MAGEB10: variants seen among roughly 807,000 people sequenced by gnomAD.
MAGEB10 encodes MAGE family member B10.
For synonymous variants in MAGEB10, 99 were observed against 101.0 expected, an observed-to-expected ratio of 0.98 and a Z score of 0.12; for missense variants, 190 against 261.9, an observed-to-expected ratio of 0.73 and a Z score of 1.89.
chrX:27,814,742 CAT>C (rs1381743794), intron 1 of MAGEB10, among the ~76,000 whole-genome samples: 3 of 112,089 alleles, frequency 2.7e-5, no homozygotes, highest in African/African-American at 9.7e-5. Context: ...GCCTGAGCCT[CAT>C]AGAGCTTTGC....
chrX:27,822,231 G>A lies in MAGEB10; in HGVS notation c.925G>A (p.Glu309Lys). Residue 309 changes from glutamate to lysine, a missense_variant, in exon 3 of 3, where the codon GAG becomes AAG. Transcript: ENST00000356790. The part of the protein sequence containing the change: ...APSEFSNWYT[E>K]ALQDEEERAR... ...CAGTGAATTCTCAAACTGGTATACA[G>A]AGGCTTTACAAGATGAGGAAGAGAG... 1.7e-6 allele frequency: 2 copies of A among 1,211,665 alleles called. No homozygotes were observed. Among genetic ancestry groups the A allele is most frequent in the Non-Finnish European group, 2.2e-6 (2 of 895,390 alleles).
chrX:27,822,335 C>T lies in MAGEB10; in HGVS notation c.1029C>T (p.Ser343=). 1.7e-6 allele frequency: 2 copies of T among 1,205,436 alleles called. No homozygotes were observed. Among genetic ancestry groups the T allele is most frequent in the South Asian group, 1.8e-5 (1 of 55,673 alleles). The change falls in exon 3 of 3, where the codon TCC becomes TCT. Residue 343 remains serine (S), a synonymous_variant. Transcript: ENST00000356790. ...GARSKVKSSK[S]SQLQ The stretch of plus-strand genomic sequence containing the variant: ...GTTCCAAGGTTAAGTCCAGCAAGTC[C>T]TCCCAACTGCAGTAAAGTCTGAGGG...
In MAGEB10 at chrX:27,821,579, A is replaced by G. The variant is rs1214263036; in HGVS notation, c.273A>G (p.Glu91=). The part of the protein sequence containing the change: ...RHPEGVNDQM[E]ERPICTQDLE... ...CCGAAGGAGTCAACGACCAAATGGAAGAAAGGCCAATATGCACACAAGATC... is the reference window on the plus strand; with the variant it reads ...CCGAAGGAGTCAACGACCAAATGGAGGAAAGGCCAATATGCACACAAGATC... The change falls in exon 3 of 3, where the codon GAA becomes GAG. Residue 91 remains glutamate, a synonymous_variant. Transcript: ENST00000356790. 3 of 1,210,569 alleles carry G rather than the reference A, an allele frequency of 2.5e-6. No homozygotes were observed. Among genetic ancestry groups the G allele is most frequent in the Non-Finnish European group, 3.4e-6 (3 of 894,822 alleles).
intron 1 of MAGEB10, among the ~76,000 whole-genome samples, chrX:27,809,234 C>A (rs926854258): frequency 3.6e-5 from 4 of 110,504 alleles, no homozygotes; most frequent in African/African-American, 1.3e-4. Context: ...GCACTCAGAG[C>A]AGCTGGCAGG....
In MAGEB10 at chrX:27,821,960, C is replaced by T. The variant is rs771649870; in HGVS notation, c.654C>T (p.Val218=). ...LGIIFTNGNC[V]AEEEVWKVFN... is the part of the protein sequence containing the mutation. ...TTATCTTCACAAATGGCAATTGTGTCGCTGAGGAGGAAGTCTGGAAAGTGT... is the reference window on the plus strand; with the variant it reads ...TTATCTTCACAAATGGCAATTGTGTTGCTGAGGAGGAAGTCTGGAAAGTGT... The change falls in exon 3 of 3, where the codon GTC becomes GTT. Residue 218 remains valine, a synonymous_variant. Coordinates refer to ENST00000356790, the MANE Select transcript of MAGEB10 (RefSeq NM_182506.3). 1.7e-6 allele frequency: 2 copies of T among 1,211,625 alleles called. No individual in the cohort carries two copies. The highest frequency in any genetic ancestry group is 3.0e-5 in the East Asian group (1 of 33,825).
chrX:27,815,373 C>T (rs931590936), intron 1 of MAGEB10, among the ~76,000 whole-genome samples: 19 of 112,424 alleles, frequency 1.7e-4, no homozygotes, highest in African/African-American at 5.5e-4. Flanking sequence ...TGGCAGTGAA[C>T]ACTACATACC....
chrX:27,815,447 G>A (rs1305572569), intron 1 of MAGEB10, among the ~76,000 whole-genome samples: 1 of 111,942 alleles, frequency 8.9e-6, no homozygotes, highest in Non-Finnish European at 1.9e-5. Flanking sequence ...CTGTGAGTCA[G>A]GTCAGACTTG....
At position 27,821,424 on chromosome X, in the gene MAGEB10, C is replaced by T; in HGVS notation, c.118C>T (p.Pro40Ser). 4 of 1,210,387 alleles carry T rather than the reference C, an allele frequency of 3.3e-6. No individual in the cohort carries two copies. Among genetic ancestry groups the T allele is most frequent in the Non-Finnish European group, 3.4e-6 (3 of 894,403 alleles). The change falls in exon 3 of 3, where the codon CCC becomes TCC. Residue 40 changes from proline to serine, a missense_variant. Coordinates refer to ENST00000356790, the MANE Select transcript of MAGEB10 (RefSeq NM_182506.3). ...TTTAGAAGAGGAGGAAGAATCTCCC[C>T]CCTCTGCCTCTGCTTGTTTGAAGGA... ...DILEEEEESP[P>S]SASACLKDVF... is the part of the protein sequence containing the mutation.
Position 27,821,438 on chromosome X carries a change from T to C in MAGEB10, c.132T>C (p.Ala44=), listed in dbSNP as rs781133251. The C allele has an allele frequency of 8.3e-7, 1 of 1,211,711 alleles. No individual in the cohort carries two copies. The change falls in exon 3 of 3, where the codon GCT becomes GCC. Residue 44 remains alanine (A), a synonymous_variant. Transcript: ENST00000356790. The part of the protein sequence containing the change: ...EEEESPPSAS[A]CLKDVFQSSL... ...AAGAATCTCCCCCCTCTGCCTCTGC[T>C]TGTTTGAAGGATGTTTTCCAGAGTT... is the stretch of plus-strand genomic sequence containing the variant.
At chrX:27,812,882 A>C (rs972287367) in intron 1 of MAGEB10, 1 of 254,180 alleles carries the variant, frequency 3.9e-6, no homozygotes, top group African/African-American at 2.8e-5. Context: ...TGGCCAGTGC[A>C]CGTTCCAAGG....
At position 27,820,298 on chromosome X, in the gene MAGEB10, T is replaced by G. The variant is rs375086807; in HGVS notation, c.-49-960T>G. 7.2e-5 allele frequency among the ~76,000 whole-genome samples: 8 copies of G among 111,839 alleles called. No individual in the cohort carries two copies. In the East Asian group the frequency reaches 1.1e-3, roughly 16 times the overall value. ...GGTTTAGGTTGTCAGAGGAGCTATT[T>G]TGAGGCCTTGCCAAAAGGGAATACA... On this transcript the variant is annotated intron_variant, in intron 2 of 2. Transcript: ENST00000356790.
At chrX:27,819,967 T>TAGTGGTAGCC (rs1443764012) in intron 2 of MAGEB10, among the ~76,000 whole-genome samples, 1 of 110,948 alleles carries the variant, frequency 9.0e-6, no homozygotes, top group Non-Finnish European at 1.9e-5. Context: ...CCCTTGCTGT[T>TAGTGGTAGCC]AGTGGTAGCC....
rs1423369887 is a variant in MAGEB10 at position 27,807,993 on chromosome X, T to C, written c.-242T>C. 1.8e-5 allele frequency: 2 copies of C among 111,986 alleles called. No homozygotes were observed. Among genetic ancestry groups the C allele is most frequent in the East Asian group, 5.7e-4 (2 of 3,483 alleles). 9.2% of individuals were successfully genotyped at this position (111,986 alleles called of 1,213,427 possible). ...AGGTGAGGCCTTGCAGTGAGGCGAT[T>C]GGTATCTGGTCAGCAGAGAAAGGCA... is the stretch of plus-strand genomic sequence containing the variant. On this transcript the variant is annotated 5_prime_UTR_variant, in exon 1 of 3. Coordinates refer to ENST00000356790, the MANE Select transcript of MAGEB10 (RefSeq NM_182506.3).
In MAGEB10 at chrX:27,810,358, C is replaced by T. The variant is rs781686500; in HGVS notation, c.-199+2322C>T. ...TAGAAGGAACAAACTCCGGACACGC[C>T]ACCTTTAAGAACTGTAACACTCACC... On this transcript the variant is annotated intron_variant, in intron 1 of 2. Transcript: ENST00000356790. 2.7e-5 allele frequency among the ~76,000 whole-genome samples: 3 copies of T among 111,756 alleles called. No homozygotes were observed. The East Asian group carries it at 8.6e-4, about 32-fold the overall frequency.
Position 27,822,077 on chromosome X carries a change from C to T in MAGEB10, c.771C>T (p.Tyr257=), listed in dbSNP as rs749855079. The stretch of plus-strand genomic sequence containing the variant: ...CCAAAGATTTGGTGAAAGAAAATTA[C>T]CTGGAGTACCAGCAAGTGCCCAACA... ...LLTKDLVKEN[Y]LEYQQVPNSD... Residue 257 remains tyrosine (Y), a synonymous_variant, in exon 3 of 3, where the codon TAC becomes TAT. Transcript: ENST00000356790. 5 of 1,212,017 alleles carry T rather than the reference C, an allele frequency of 4.1e-6. No individual in the cohort carries two copies. In the Admixed American group the frequency reaches 1.1e-4, roughly 26 times the overall value.
chrX:27,808,896 C>T (rs1409450414), intron 1 of MAGEB10, among the ~76,000 whole-genome samples: 3 of 112,300 alleles, frequency 2.7e-5, no homozygotes, highest in East Asian at 5.7e-4. Flanking sequence ...TTTAACCTCT[C>T]AAGGAGATGA....
At chrX:27,809,239 G>A (rs958527576) in intron 1 of MAGEB10, among the ~76,000 whole-genome samples, 1 of 110,412 alleles carries the variant, frequency 9.1e-6, no homozygotes. Flanking sequence ...CAGAGCAGCT[G>A]GCAGGCCCCC....
chrX:27,814,072 G>A (rs1923736551), intron 1 of MAGEB10, among the ~76,000 whole-genome samples: 1 of 111,239 alleles, frequency 9.0e-6, no homozygotes, highest in African/African-American at 3.3e-5. Context: ...TTAATTAAAA[G>A]GGCTTTTAAA....
chrX:27,812,858 C>T (rs1923717390), intron 1 of MAGEB10: 4 of 284,221 alleles, frequency 1.4e-5, no homozygotes, highest in South Asian at 4.4e-5. Context: ...CAGCCAGGGC[C>T]CGTACTGCCA....
Sources: allele counts gnomAD v4.1 joint callset (sites outside exome capture counted in the v4.1 genomes callset), GRCh38; gene constraint gnomAD v4.1.1; transcripts MANE v1.5; gene names NCBI Gene and HGNC (gene_info 2026-07-23, HGNC 2026-07-21).